PCDH15: variants seen among roughly 807,000 people sequenced by gnomAD.
PCDH15 encodes the protein protocadherin related 15.
In PCDH15, 129 loss-of-function variants were observed where a neutral mutation model predicts 178.5. That is an observed-to-expected ratio of 0.72 (90% CI 0.63 to 0.84). PCDH15 has a LOEUF of 0.84. Among genes scored for constraint, PCDH15 ranks in the 40% least tolerant of loss-of-function variants. PCDH15 has a pLI of 0.00. For synonymous variants in PCDH15, 800 were observed against 732.0 expected (o/e 1.09, Z -1.50); for missense variants, 2,230 against 2,099.9 (o/e 1.06, Z -1.21).
intron 2 of PCDH15, among the ~76,000 whole-genome samples, chr10:55,129,267 T>A (rs1837981823): frequency 6.6e-6 from 1 of 152,106 alleles, no homozygotes; most frequent in East Asian, 1.9e-4. Context: ...GAGAAACTCA[T>A]GAGCAATTGT....
rs187912186 is a variant in PCDH15, at chr10:55,357,494, A to C, written c.-155-190843T>G. Among the ~76,000 whole-genome samples the C allele has an allele frequency of 2.1e-3, 325 of 152,086 alleles. 4 individuals are homozygous for C. Among genetic ancestry groups the C allele is most frequent in the East Asian group, 2.9e-3 (15 of 5,170 alleles). On this transcript the variant is annotated intron_variant, in intron 2 of 5. Transcript: ENST00000613346. ...GATTCTACCATCAGTTAGCTATGTCATCTGGTTTTATTTATTAATTATCTT... is the reference window on the plus strand; with the variant it reads ...GATTCTACCATCAGTTAGCTATGTCCTCTGGTTTTATTTATTAATTATCTT...
intron 2 of PCDH15, among the ~76,000 whole-genome samples, chr10:55,528,144 C>T (rs773666629): frequency 3.3e-5 from 5 of 152,154 alleles, no homozygotes; most frequent in African/African-American, 9.6e-5. Flanking sequence ...TCAAGTGATC[C>T]TCCCATCTTA....
intron 2 of PCDH15, among the ~76,000 whole-genome samples, chr10:55,600,967 G>T (rs1425554141): frequency 6.6e-6 from 1 of 152,000 alleles, no homozygotes; most frequent in Non-Finnish European, 1.5e-5. Context: ...ATTTATGGTA[G>T]TTTCCCACCT....
chr10:54,385,131 A>T (rs1040976714), intron 3 of PCDH15, among the ~76,000 whole-genome samples: 1 of 152,124 alleles, frequency 6.6e-6, no homozygotes, highest in African/African-American at 2.4e-5. Flanking sequence ...TTTAATTTTT[A>T]ATATAAGATA....
chr10:55,198,148 C>T (rs1159876963), intron 1 of PCDH15, among the ~76,000 whole-genome samples: 2 of 152,046 alleles, frequency 1.3e-5, no homozygotes, highest in African/African-American at 4.8e-5. Flanking sequence ...ATATGTTCTT[C>T]TTCACTGTTA....
intron 1 of PCDH15, among the ~76,000 whole-genome samples, chr10:55,224,537 G>T (rs1164058542): frequency 2.0e-5 from 3 of 152,048 alleles, no homozygotes; most frequent in Non-Finnish European, 2.9e-5. Context: ...AGCTGAGGTC[G>T]CTCTAGACCA....
At chr10:54,240,328 A>G (rs1208635552) in intron 8 of PCDH15, among the ~76,000 whole-genome samples, 2 of 149,370 alleles carry the variant, frequency 1.3e-5, no homozygotes, top group Non-Finnish European at 1.5e-5. Context: ...ATGAAAAAGG[A>G]AAAAAAAAAG....
chr10:54,620,005 T>A (rs1315754997), intron 2 of PCDH15, among the ~76,000 whole-genome samples: 1 of 152,048 alleles, frequency 6.6e-6, no homozygotes, highest in Non-Finnish European at 1.5e-5. Context: ...AAAACAGATA[T>A]TTCTTAACAT....
intron 1 of PCDH15, among the ~76,000 whole-genome samples, chr10:54,729,994 T>G (rs970714994): frequency 1.3e-5 from 2 of 151,500 alleles, no homozygotes. Flanking sequence ...GTTTGGAGAT[T>G]TGTCAAAGAA....
At chr10:54,100,269 G>A (rs1470144362) in intron 15 of PCDH15, among the ~76,000 whole-genome samples, 1 of 151,922 alleles carries the variant, frequency 6.6e-6, no homozygotes, top group East Asian at 1.9e-4. Flanking sequence ...GGAGGCTGAG[G>A]CAGGAGAATC....
intron 1 of PCDH15, among the ~76,000 whole-genome samples, chr10:55,316,236 A>AT (rs1843718693): frequency 6.6e-6 from 1 of 152,066 alleles, no homozygotes; most frequent in African/African-American, 2.4e-5. Flanking sequence ...CCATTACAGC[A>AT]TTTTTTCTCA....
At chr10:55,427,671 A>T (rs1045533716) in intron 2 of PCDH15, among the ~76,000 whole-genome samples, 1 of 152,184 alleles carries the variant, frequency 6.6e-6, no homozygotes, top group Non-Finnish European at 1.5e-5. Context: ...TACTTGATTT[A>T]AAAAATCCAT....
intron 2 of PCDH15, among the ~76,000 whole-genome samples, chr10:54,905,854 A>G (rs866317919): frequency 9.2e-5 from 14 of 152,244 alleles, no homozygotes; most frequent in Admixed American, 2.6e-4. Flanking sequence ...TTCCTTTTCA[A>G]TAGGATAAGC....
At chr10:55,146,859 C>CTTA (rs34062710) in intron 2 of PCDH15, among the ~76,000 whole-genome samples, 80,094 of 128,492 alleles carry the variant, frequency 0.62, 21,632 homozygotes, top group South Asian at 0.73. Context: ...CTTTTACTGA[C>CTTA]TTATGATTAC....
At chr10:54,684,170 A>G (rs2094951722) in intron 1 of PCDH15, among the ~76,000 whole-genome samples, 1 of 151,994 alleles carries the variant, frequency 6.6e-6, no homozygotes, top group African/African-American at 2.4e-5. Flanking sequence ...GATATACTCA[A>G]ACACGTCTTC....
At chr10:54,578,318 C>A (rs1228573201) in intron 2 of PCDH15, among the ~76,000 whole-genome samples, 1 of 151,976 alleles carries the variant, frequency 6.6e-6, no homozygotes, top group Non-Finnish European at 1.5e-5. Context: ...AAATATGAGT[C>A]TCAAACCCTT....
intron 3 of PCDH15, among the ~76,000 whole-genome samples, chr10:54,464,800 C>G (rs190653621): frequency 2.6e-5 from 4 of 152,010 alleles, no homozygotes; most frequent in African/African-American, 9.7e-5. Flanking sequence ...ACAAGAGCAA[C>G]CTAATTCTAT....
intron 2 of PCDH15, among the ~76,000 whole-genome samples, chr10:54,656,419 C>T (rs755750112): frequency 6.6e-6 from 1 of 152,128 alleles, no homozygotes; most frequent in Non-Finnish European, 1.5e-5. Flanking sequence ...GTCCTTCTAC[C>T]CTCACAATCC....
chr10:54,564,605 G>A (rs1410193859), intron 2 of PCDH15, among the ~76,000 whole-genome samples: 1 of 152,104 alleles, frequency 6.6e-6, no homozygotes, highest in African/African-American at 2.4e-5. Context: ...GACTCCTGGT[G>A]TGAATTAGGT....
Sources: allele counts gnomAD v4.1 joint callset (sites outside exome capture counted in the v4.1 genomes callset), GRCh38; gene constraint gnomAD v4.1.1; transcripts MANE v1.5; gene names NCBI Gene and HGNC (gene_info 2026-07-23, HGNC 2026-07-21).